Variants in USP4 observed in about 807,000 individuals in gnomAD.
The protein encoded by USP4 is ubiquitin carboxyl-terminal hydrolase 4.
A neutral mutation model predicts 118.2 loss-of-function variants in USP4; 72 were observed. The observed-to-expected ratio is 0.61, with a 90% CI of 0.50 to 0.74. The LOEUF is 0.74. Ranked by LOEUF, USP4 falls within the 30% of genes least tolerant of loss-of-function variation. The pLI is 0.00. For synonymous variants in USP4, 415 were observed against 440.4 expected (o/e 0.94, Z 0.72); for missense variants, 1,037 against 1,185.7 (o/e 0.87, Z 1.84).
Position 49,284,238 on chromosome 3 carries a change from C to T in USP4, c.2391-102G>A, listed in dbSNP as rs1227367124. ...CTGCAGTCCCCTGATAGCTGCCATC[C>T]TCTCGGTCAGCACTCAACACTACTG... On this transcript the variant is annotated intron_variant, in intron 18 of 21. Transcript: ENST00000265560. 3 of 1,489,584 alleles carry T rather than the reference C, an allele frequency of 2.0e-6. No individual in the cohort carries two copies. The East Asian group carries it at 6.8e-5, about 34-fold the overall frequency. 92.3% of individuals were successfully genotyped at this position (1,489,584 alleles called of 1,614,324 possible). A position where few individuals can be genotyped will look rare whatever the true frequency, so the allele number is the denominator to read the frequency against.
At chr3:49,284,426 G>A (rs2047072790) in intron 18 of USP4, 40 bp downstream of exon 18, 1 of 1,534,124 alleles carries the variant, frequency 6.5e-7, no homozygotes, top group Non-Finnish European at 9.0e-7. Context: ...GAGTCCTGGG[G>A]TGCATGGGGC....
intron 15 of USP4, among the ~76,000 whole-genome samples, chr3:49,286,811 A>G (rs908681070): frequency 3.9e-5 from 5 of 127,984 alleles, no homozygotes; most frequent in African/African-American, 1.5e-4. Flanking sequence ...GTCTCACTCT[A>G]GCCACTCTAT....
rs74363903 is a variant in USP4, at chr3:49,326,318, C to T, written c.361-473G>A. ...GGCGACAGAGCGAGACTCTGTACCC[C>T]GCAAAAAAATATATATATATTTTTT... On this transcript the variant is annotated intron_variant, in intron 3 of 21. Transcript: ENST00000265560. Among the ~76,000 whole-genome samples, 1,332 of 151,864 alleles carry T rather than the reference C, an allele frequency of 8.8e-3. 21 individuals are homozygous for T. Among genetic ancestry groups the T allele is most frequent in the African/African-American group, 0.031 (1,264 of 41,432 alleles).
At chr3:49,308,412 C>T (rs1200961582) in intron 8 of USP4, among the ~76,000 whole-genome samples, 1 of 152,052 alleles carries the variant, frequency 6.6e-6, no homozygotes, top group Admixed American at 6.6e-5. Flanking sequence ...CTCCGCCTCC[C>T]GGGATCAAGA....
At chr3:49,301,295 C>T (rs934043249) in intron 10 of USP4, among the ~76,000 whole-genome samples, 3 of 152,098 alleles carry the variant, frequency 2.0e-5, no homozygotes, top group Non-Finnish European at 4.4e-5. Context: ...AACTAGGGGT[C>T]TGTGTGTCCT....
chr3:49,294,697 G>T, intron 13 of USP4, 99 bp from the exon 14 acceptor site: 2 of 1,163,190 alleles, frequency 1.7e-6, no homozygotes, highest in Non-Finnish European at 2.5e-6. Flanking sequence ...ATGATTACTG[G>T]GACAGAGCAT....
intron 6 of USP4, among the ~76,000 whole-genome samples, chr3:49,315,635 C>T (rs927178338): frequency 6.6e-6 from 1 of 152,174 alleles, no homozygotes; most frequent in African/African-American, 2.4e-5. Context: ...GATACCTCTG[C>T]TCCTAAGAGA....
rs1422578981 is a variant in USP4, at chr3:49,277,216, G to A, written c.*1077C>T. The A allele has an allele frequency of 2.3e-6, 3 of 1,331,342 alleles. No homozygotes were observed. The highest frequency in any genetic ancestry group is 9.2e-5 in the East Asian group (2 of 21,678). The allele number at this position is 1,331,342 out of a possible 1,614,324, so 82.5% of individuals were successfully genotyped here. A position where few individuals can be genotyped will look rare whatever the true frequency, so the allele number is the denominator to read the frequency against. On this transcript the variant is annotated 3_prime_UTR_variant, in exon 22 of 22. Transcript: ENST00000265560. ...GCGCAGTGACGCCGACCCATCCAAC[G>A]GTCATCGCATGCGCGTGCCCCGCGC...
At chr3:49,320,141 A>G (rs1011875057) in intron 6 of USP4, among the ~76,000 whole-genome samples, 1 of 152,094 alleles carries the variant, frequency 6.6e-6, no homozygotes, top group Non-Finnish European at 1.5e-5. Context: ...GGCTGGTCTC[A>G]AACTCCTATC....
Position 49,310,705 on chromosome 3 carries a change from T to C in USP4, c.869A>G (p.Gln290Arg), listed in dbSNP as rs754143169. The change falls in exon 8 of 22, where the codon CAG becomes CGG. Residue 290 changes from glutamine (Q) to arginine (R), a missense_variant. Gln to Arg is a conservative substitution (Grantham distance 43). Transcript: ENST00000265560. ...TTGTATATGAGAGGATGGTGGCTCCTGACAATTATACGAAGCAGAAAAGCC... is the reference window on the plus strand; with the variant it reads ...TTGTATATGAGAGGATGGTGGCTCCCGACAATTATACGAAGCAGAAAAGCC... ...GSGFSASYNC[Q>R]EPPSSHIQPG... 1.2e-5 allele frequency: 20 copies of C among 1,614,030 alleles called. No homozygotes were observed. Among genetic ancestry groups the C allele is most frequent in the Non-Finnish European group, 1.7e-5 (20 of 1,180,032 alleles).
At chr3:49,295,028 G>A (rs570166009) in intron 13 of USP4, among the ~76,000 whole-genome samples, 99 of 152,202 alleles carry the variant, frequency 6.5e-4, no homozygotes, top group African/African-American at 2.2e-4. Flanking sequence ...GGTGGCTCAC[G>A]CCTGTAATCC....
Position 49,339,962 on chromosome 3 carries a change from T to G in USP4, c.63A>C (p.Gly21=). The G allele has an allele frequency of 6.2e-7, 1 of 1,612,630 alleles. No individual in the cohort carries two copies. The highest frequency in any genetic ancestry group is 8.5e-7 in the Non-Finnish European group (1 of 1,179,782). Residue 21 remains glycine, a synonymous_variant, in exon 1 of 22, where the codon GGA becomes GGC. Coordinates refer to ENST00000265560, the MANE Select transcript of USP4 (RefSeq NM_003363.4). Reference sequence around the variant, plus strand: ...GTTGGAGTGTGGTCCTCATTAAGGGTCCAAGCTCGGACTTCTGAGTCTCCG... The same window carrying G: ...GTTGGAGTGTGGTCCTCATTAAGGGGCCAAGCTCGGACTTCTGAGTCTCCG... The part of the protein sequence containing the change: ...PDAETQKSEL[G]PLMRTTLQRG...
chr3:49,300,243 C>CA (rs376971750), intron 11 of USP4, among the ~76,000 whole-genome samples: 184 of 134,718 alleles, frequency 1.4e-3, no homozygotes, highest in East Asian at 2.3e-3. Context: ...GACTCTGTCT[C>CA]AAAAAAAAAA....
At chr3:49,317,233 T>C (rs1266469161) in intron 6 of USP4, 10 of 1,535,010 alleles carry the variant, frequency 6.5e-6, no homozygotes, top group Non-Finnish European at 8.1e-6. Flanking sequence ...CTGGTAGAAC[T>C]TACTGCAAGA....
chr3:49,308,466 C>A (rs1298969485), intron 8 of USP4, among the ~76,000 whole-genome samples: 3 of 151,814 alleles, frequency 2.0e-5, no homozygotes, highest in African/African-American at 7.3e-5. Flanking sequence ...ATTACAGGCG[C>A]CCGCCACCAT....
chr3:49,309,965 T>TTTTTTTTTTTTTTTTTTTTTTTTTC (rs1222994860), intron 8 of USP4, among the ~76,000 whole-genome samples: 1 of 122,000 alleles, frequency 8.2e-6, no homozygotes, highest in Non-Finnish European at 1.7e-5. Context: ...TTTTTTTTTT[T>TTTTTTTTTTTTTTTTTTTTTTTTTC]TGAGACAGAG....
intron 6 of USP4, among the ~76,000 whole-genome samples, chr3:49,322,842 G>A (rs1235616200): frequency 6.7e-6 from 1 of 150,014 alleles, no homozygotes. Flanking sequence ...TGGCAAGAGA[G>A]TAAGACTCCG....
chr3:49,286,605 T>C (rs1394372865), intron 15 of USP4, among the ~76,000 whole-genome samples: 1 of 152,154 alleles, frequency 6.6e-6, no homozygotes, highest in Non-Finnish European at 1.5e-5. Context: ...CCTGCCATCC[T>C]GTCTACTGGC....
intron 6 of USP4, among the ~76,000 whole-genome samples, chr3:49,322,074 C>T (rs758872152): frequency 6.6e-6 from 1 of 152,140 alleles, no homozygotes; most frequent in Admixed American, 6.6e-5. Flanking sequence ...GTAACCACTA[C>T]CCTGACCAAG....
Sources: gnomAD v4.1 joint callset for allele counts (sites outside exome capture counted in the v4.1 genomes callset) on GRCh38, gnomAD v4.1.1 for gene constraint, MANE v1.5 for transcripts, NCBI Gene and HGNC (gene_info 2026-07-23, HGNC 2026-07-21) for gene names.